Variants in DLG2 observed in about 807,000 individuals in gnomAD.
The protein encoded by DLG2 is disks large homolog 2.
Under a neutral mutation model 132.5 loss-of-function variants are expected in DLG2, and 45 were observed. The observed-to-expected ratio is 0.34, with a 90% CI of 0.27 to 0.44. DLG2 has a LOEUF of 0.44. Ranked by LOEUF, DLG2 falls within the 20% of genes least tolerant of loss-of-function variation. The pLI, the probability that DLG2 is intolerant of heterozygous loss-of-function variation, is 1.00. For synonymous variants in DLG2, 424 were observed against 419.6 expected, an observed-to-expected ratio of 1.01 and a Z score of -0.13; for missense variants, 1,045 against 1,196.9, an observed-to-expected ratio of 0.87 and a Z score of 1.87.
At chr11:85,079,037 G>T (rs908423694) in intron 6 of DLG2, among the ~76,000 whole-genome samples, 10 of 151,900 alleles carry the variant, frequency 6.6e-5, no homozygotes, top group African/African-American at 2.2e-4. Context: ...GGGGGTCTGA[G>T]ACATCAATCA....
In DLG2 at chr11:84,943,517, G is replaced by C. The variant is rs188885246; in HGVS notation, c.357+168144C>G. ...ATCTGTTGTAGGTTTTTGGATTTGA[G>C]GTTACTAATGAGGTTTGCAAATAAT... is the stretch of plus-strand genomic sequence containing the variant. On this transcript the variant is annotated intron_variant, in intron 6 of 27. Coordinates refer to ENST00000376104, the MANE Select transcript of DLG2 (RefSeq NM_001142699.3). Among the ~76,000 whole-genome samples, 313 of 151,746 alleles carry C rather than the reference G, an allele frequency of 2.1e-3. 1 individual carries two copies. Among genetic ancestry groups the C allele is most frequent in the African/African-American group, 7.4e-3 (307 of 41,360 alleles).
intron 6 of DLG2, among the ~76,000 whole-genome samples, chr11:85,099,542 C>T (rs924246132): frequency 6.6e-6 from 1 of 152,078 alleles, no homozygotes; most frequent in African/African-American, 2.4e-5. Flanking sequence ...GAGTATACTC[C>T]TGTTCATATG....
At chr11:83,912,939 G>A (rs1032936075) in intron 15 of DLG2, among the ~76,000 whole-genome samples, 1 of 152,058 alleles carries the variant, frequency 6.6e-6, no homozygotes, top group Non-Finnish European at 1.5e-5. Flanking sequence ...AATTTAAATA[G>A]TGGGAAGAAT....
At chr11:84,688,990 C>A (rs1272421320) in intron 6 of DLG2, among the ~76,000 whole-genome samples, 1 of 152,172 alleles carries the variant, frequency 6.6e-6, no homozygotes, top group Non-Finnish European at 1.5e-5. Flanking sequence ...GTGGGAGAGG[C>A]CTTCCTTCAC....
intron 4 of DLG2, among the ~76,000 whole-genome samples, chr11:85,191,950 G>T (rs914799312): frequency 6.6e-6 from 1 of 151,912 alleles, no homozygotes; most frequent in African/African-American, 2.4e-5. Flanking sequence ...CAAGTAATGC[G>T]GTTACCTTAA....
At chr11:85,234,454 C>A (rs1419808671) in intron 4 of DLG2, among the ~76,000 whole-genome samples, 1 of 151,922 alleles carries the variant, frequency 6.6e-6, no homozygotes, top group Non-Finnish European at 1.5e-5. Flanking sequence ...AAATCCAGGT[C>A]ATGCAAACTA....
chr11:83,973,738 C>A (rs149501447), intron 12 of DLG2, among the ~76,000 whole-genome samples: 7 of 151,942 alleles, frequency 4.6e-5, no homozygotes, highest in Non-Finnish European at 1.0e-4. Flanking sequence ...TGATCCCTAC[C>A]CCAGAAATCC....
intron 6 of DLG2, among the ~76,000 whole-genome samples, chr11:85,096,167 A>C (rs1327796416): frequency 6.6e-6 from 1 of 152,224 alleles, no homozygotes; most frequent in Non-Finnish European, 1.5e-5. Flanking sequence ...ACCAATCAGC[A>C]GGATGTGGGC....
intron 7 of DLG2, among the ~76,000 whole-genome samples, chr11:84,355,024 C>G (rs796844295): frequency 8.5e-5 from 13 of 152,154 alleles, no homozygotes; most frequent in African/African-American, 3.1e-4. Context: ...AAGGTAATGT[C>G]TTATGGGAAT....
intron 6 of DLG2, among the ~76,000 whole-genome samples, chr11:84,753,558 AG>A (rs2066461956): frequency 6.6e-6 from 1 of 152,198 alleles, no homozygotes; most frequent in Non-Finnish European, 1.5e-5. Context: ...AGGGAAATGA[AG>A]AATTTTATTT....
chr11:83,893,165 C>T (rs1183802797), intron 15 of DLG2, among the ~76,000 whole-genome samples: 2 of 152,210 alleles, frequency 1.3e-5, no homozygotes, highest in Admixed American at 6.5e-5. Flanking sequence ...ACAATACGCT[C>T]TCTTAGTAGA....
chr11:83,588,581 G>T lies in DLG2; in HGVS notation c.1940+44630C>A, dbSNP rs905374319. On this transcript the variant is annotated intron_variant, in intron 19 of 27. Transcript: ENST00000376104. ...AACTGGAAACTCTAAAAAGCAGAGCGCCTCTCCTCCTCCAAAGGAACGCAG... is the reference window on the plus strand; with the variant it reads ...AACTGGAAACTCTAAAAAGCAGAGCTCCTCTCCTCCTCCAAAGGAACGCAG... Among the ~76,000 whole-genome samples the T allele has an allele frequency of 3.8e-4, 57 of 151,930 alleles. 2 individuals carry two copies. Among genetic ancestry groups the T allele is most frequent in the African/African-American group, 1.3e-3 (55 of 41,410 alleles).
chr11:83,678,493 A>C (rs147886582), intron 18 of DLG2, among the ~76,000 whole-genome samples: 49 of 152,294 alleles, frequency 3.2e-4, no homozygotes, highest in African/African-American at 4.6e-4. Flanking sequence ...TCATGAGTGC[A>C]AGCAGTGATT....
chr11:85,248,203 G>A (rs2076229615), intron 4 of DLG2, among the ~76,000 whole-genome samples: 1 of 151,990 alleles, frequency 6.6e-6, no homozygotes, highest in Non-Finnish European at 1.5e-5. Context: ...AACGAACTGA[G>A]GCCTGGTCTT....
chr11:85,224,467 T>C (rs1313384604), intron 4 of DLG2, among the ~76,000 whole-genome samples: 4 of 152,198 alleles, frequency 2.6e-5, no homozygotes, highest in African/African-American at 9.6e-5. Context: ...TTCTCCTGGC[T>C]GTACTGATTA....
chr11:83,784,141 C>T (rs1192750643), intron 18 of DLG2, among the ~76,000 whole-genome samples: 1 of 152,078 alleles, frequency 6.6e-6, no homozygotes, highest in Non-Finnish European at 1.5e-5. Context: ...AAATCATCTG[C>T]CAGCATTGTC....
intron 6 of DLG2, among the ~76,000 whole-genome samples, chr11:84,815,882 G>A (rs1180271178): frequency 6.6e-6 from 1 of 151,998 alleles, no homozygotes; most frequent in African/African-American, 2.4e-5. Context: ...CTCATCTTGA[G>A]CCTAAAGTGC....
chr11:83,473,016 T>C (rs1016886378), intron 22 of DLG2, among the ~76,000 whole-genome samples: 5 of 152,146 alleles, frequency 3.3e-5, no homozygotes, highest in Non-Finnish European at 5.9e-5. Flanking sequence ...TGCAGGGCAA[T>C]GACCTGTGAG....
At chr11:83,704,705 T>C (rs1204108417) in intron 18 of DLG2, among the ~76,000 whole-genome samples, 1 of 150,236 alleles carries the variant, frequency 6.7e-6, no homozygotes, top group African/African-American at 2.5e-5. Flanking sequence ...CACAGGCCTG[T>C]AATTCTAGCT....
Sources: allele counts gnomAD v4.1 joint callset (sites outside exome capture counted in the v4.1 genomes callset), GRCh38; gene constraint gnomAD v4.1.1; transcripts MANE v1.5; gene names NCBI Gene and HGNC (gene_info 2026-07-23, HGNC 2026-07-21).